Variants in XRCC4 observed in about 807,000 individuals in gnomAD.
XRCC4 encodes X-ray repair cross complementing 4.
A neutral mutation model predicts 39.1 loss-of-function variants in XRCC4; 28 were observed. The observed-to-expected ratio is 0.72, with a 90% CI of 0.53 to 0.98. The LOEUF is 0.98. Ranked by LOEUF, XRCC4 falls within the 50% of genes least tolerant of loss-of-function variation. The pLI, the probability that XRCC4 is intolerant of heterozygous loss-of-function variation, is 0.00. For synonymous variants in XRCC4, 123 were observed against 126.4 expected, an observed-to-expected ratio of 0.97 and a Z score of 0.18; for missense variants, 350 against 376.4, an observed-to-expected ratio of 0.93 and a Z score of 0.58.
At chr5:83,242,371 A>G (rs1402448189) in intron 6 of XRCC4, among the ~76,000 whole-genome samples, 2 of 152,202 alleles carry the variant, frequency 1.3e-5, no homozygotes, top group Non-Finnish European at 2.9e-5. Flanking sequence ...ATAAGCATGC[A>G]CAACTCTCCT....
At chr5:83,223,692 T>C (rs1056641901) in intron 6 of XRCC4, among the ~76,000 whole-genome samples, 2 of 152,040 alleles carry the variant, frequency 1.3e-5, no homozygotes, top group Admixed American at 1.3e-4. Context: ...TGTTTTTTGT[T>C]TTATTATACT....
At chr5:83,336,572 G>A (rs1171767580) in intron 7 of XRCC4, among the ~76,000 whole-genome samples, 1 of 152,114 alleles carries the variant, frequency 6.6e-6, no homozygotes, top group Non-Finnish European at 1.5e-5. Flanking sequence ...AAAGAAGTAT[G>A]ATTGCTTATT....
Position 83,324,937 on chromosome 5 carries a change from G to A in XRCC4, c.894-28194G>A, listed in dbSNP as rs371980317. The stretch of plus-strand genomic sequence containing the variant: ...ACTCAGAAGATTTACCTCAGTCTCA[G>A]GTGATCATGTAGAATGGACGGCCTC... On this transcript the variant is annotated intron_variant, in intron 7 of 7. Coordinates refer to ENST00000396027, the MANE Select transcript of XRCC4 (RefSeq NM_003401.5). Among the ~76,000 whole-genome samples the A allele has an allele frequency of 4.9e-4, 74 of 152,238 alleles. 2 individuals carry two copies. The South Asian group carries it at 0.014, about 28-fold the overall frequency.
chr5:83,140,313 G>C (rs1335984183), intron 3 of XRCC4, among the ~76,000 whole-genome samples: 1 of 152,146 alleles, frequency 6.6e-6, no homozygotes, highest in East Asian at 1.9e-4. Flanking sequence ...GCAAACCACC[G>C]ATGTAAGTCT....
chr5:83,234,235 A>G (rs1752605507), intron 6 of XRCC4, among the ~76,000 whole-genome samples: 1 of 152,158 alleles, frequency 6.6e-6, no homozygotes, highest in Admixed American at 6.5e-5. Flanking sequence ...TGATGGAAGT[A>G]TATTCCTAAG....
intron 4 of XRCC4, among the ~76,000 whole-genome samples, chr5:83,200,306 C>T (rs1342737911): frequency 3.9e-5 from 6 of 152,138 alleles, no homozygotes; most frequent in African/African-American, 1.4e-4. Flanking sequence ...TCCCGCTCCC[C>T]CACTTTTCTA....
At chr5:83,293,274 C>T (rs1297948415) in intron 7 of XRCC4, among the ~76,000 whole-genome samples, 1 of 151,942 alleles carries the variant, frequency 6.6e-6, no homozygotes, top group Non-Finnish European at 1.5e-5. Context: ...ATATTCTTTT[C>T]TATGACCAAA....
At position 83,172,784 on chromosome 5, in the gene XRCC4, G is replaced by A. The variant is rs538382340; in HGVS notation, c.316-22986G>A. ...TGGTTCCTCTAGGTTACTCACTGAT[G>A]AGACAACAACAATGGAAAAATTTGC... is the stretch of plus-strand genomic sequence containing the variant. On this transcript the variant is annotated intron_variant, in intron 3 of 7. Coordinates refer to ENST00000396027, the MANE Select transcript of XRCC4 (RefSeq NM_003401.5). Among the ~76,000 whole-genome samples, 8 of 152,238 alleles carry A rather than the reference G, an allele frequency of 5.3e-5. No homozygotes were observed. In the East Asian group the frequency reaches 1.5e-3, roughly 29 times the overall value.
intron 3 of XRCC4, among the ~76,000 whole-genome samples, chr5:83,160,569 G>A (rs1749155546): frequency 2.0e-5 from 3 of 152,274 alleles, no homozygotes; most frequent in African/African-American, 4.8e-5. Context: ...AGTGTACCAC[G>A]TGGGATGATT....
At chr5:83,219,486 C>G (rs1751998317) in intron 6 of XRCC4, among the ~76,000 whole-genome samples, 1 of 152,074 alleles carries the variant, frequency 6.6e-6, no homozygotes, top group Admixed American at 6.6e-5. Context: ...TGGAGTAAGA[C>G]TTGTTAAAAG....
chr5:83,344,349 G>A (rs1463608594), intron 7 of XRCC4, among the ~76,000 whole-genome samples: 1 of 150,720 alleles, frequency 6.6e-6, no homozygotes, highest in Non-Finnish European at 1.5e-5. Context: ...GGATCCTCCT[G>A]CTTCAGCCTC....
intron 1 of XRCC4, among the ~76,000 whole-genome samples, chr5:83,081,446 T>C (rs1744937653): frequency 6.6e-6 from 1 of 152,196 alleles, no homozygotes; most frequent in Non-Finnish European, 1.5e-5. Context: ...GGCTTTTCAA[T>C]TCAGACTGAA....
chr5:83,293,364 TACTC>T (rs1179220774), intron 7 of XRCC4, among the ~76,000 whole-genome samples: 1 of 152,050 alleles, frequency 6.6e-6, no homozygotes, highest in East Asian at 1.9e-4. Context: ...GTATAGAAGT[TACTC>T]ACATATATCT....
intron 7 of XRCC4, among the ~76,000 whole-genome samples, chr5:83,279,638 ATAAT>A (rs1188629900): frequency 6.6e-6 from 1 of 152,214 alleles, no homozygotes; most frequent in African/African-American, 2.4e-5. Flanking sequence ...CAGGTAGTTG[ATAAT>A]TAAAAGATTT....
chr5:83,156,181 C>T (rs1349241159), intron 3 of XRCC4, among the ~76,000 whole-genome samples: 2 of 151,726 alleles, frequency 1.3e-5, no homozygotes, highest in African/African-American at 2.4e-5. Context: ...TAGTTTGTTT[C>T]GTAGTTAAGG....
chr5:83,163,163 T>G (rs1053585212), intron 3 of XRCC4, among the ~76,000 whole-genome samples: 9 of 152,046 alleles, frequency 5.9e-5, no homozygotes, highest in Admixed American at 3.9e-4. Flanking sequence ...GCCAGGTTGG[T>G]CTTGAACTCC....
At chr5:83,134,227 C>T (rs752840732) in intron 3 of XRCC4, among the ~76,000 whole-genome samples, 3 of 152,040 alleles carry the variant, frequency 2.0e-5, no homozygotes, top group South Asian at 2.1e-4. Flanking sequence ...GGGTAGGTGC[C>T]GCAAAGTCCC....
intron 1 of XRCC4, among the ~76,000 whole-genome samples, chr5:83,079,119 T>G (rs548603609): frequency 6.6e-6 from 1 of 152,246 alleles, no homozygotes. Flanking sequence ...TCAGAAAGCT[T>G]AACTTGTTAG....
intron 7 of XRCC4, among the ~76,000 whole-genome samples, chr5:83,275,542 G>T (rs917066511): frequency 4.6e-5 from 7 of 152,026 alleles, no homozygotes; most frequent in Non-Finnish European, 8.8e-5. Context: ...TGATCCGCCC[G>T]CCTCGGCCTC....
Sources: gnomAD v4.1 joint callset for allele counts (sites outside exome capture counted in the v4.1 genomes callset) on GRCh38, gnomAD v4.1.1 for gene constraint, MANE v1.5 for transcripts, NCBI Gene and HGNC (gene_info 2026-07-23, HGNC 2026-07-21) for gene names.